The following PCYT1B variants were observed in gnomAD, a reference collection of about 807,000 sequenced individuals.
PCYT1B encodes the protein choline-phosphate cytidylyltransferase B.
A neutral mutation model predicts 26.4 loss-of-function variants in PCYT1B; 10 were observed. That is an observed-to-expected ratio of 0.38 (90% confidence interval 0.23 to 0.64). PCYT1B has a LOEUF of 0.64. PCYT1B is among the 30% of genes least tolerant of loss of function. The probability of loss-of-function intolerance (pLI) is 0.56; values close to 1 mark genes in which losing one functional copy is unlikely to be tolerated. For missense variants in PCYT1B, 161 were observed against 292.7 expected, an observed-to-expected ratio of 0.55 and a Z score of 3.28; for synonymous variants, 131 against 108.4, an observed-to-expected ratio of 1.21 and a Z score of -1.29.
At position 24,590,023 on chromosome X, in the gene PCYT1B, C is replaced by G; in HGVS notation, c.486G>C (p.Lys162Asn). The G allele has an allele frequency of 8.3e-7, 1 of 1,200,492 alleles. No individual in the cohort carries two copies. Among genetic ancestry groups the G allele is most frequent in the Non-Finnish European group, 1.1e-6 (1 of 888,329 alleles). The change falls in exon 4 of 8, where the codon AAG (lysine) becomes AAC (asparagine). Residue 162 changes from lysine (K) to asparagine (N), a missense_variant and splice_region_variant. Transcript: ENST00000379144. Reference sequence around the variant, plus strand: ...GAGAATGTGGGAGAATGAGAAGTACCTTGTGTTTTTCCAGAAACTCTGGCG... The same window carrying G: ...GAGAATGTGGGAGAATGAGAAGTACGTTGTGTTTTTCCAGAAACTCTGGCG... Reference protein sequence around the residue: ...TLTPEFLEKHKIDFVAHDDIP... With the variant: ...TLTPEFLEKHNIDFVAHDDIP...
At chrX:24,581,489 T>C (rs956537902) in intron 5 of PCYT1B, among the ~76,000 whole-genome samples, 11 of 112,246 alleles carry the variant, frequency 9.8e-5, no homozygotes, top group Non-Finnish European at 2.1e-4. Flanking sequence ...GGTTAACTCC[T>C]GGGCATCCAC....
intron 6 of PCYT1B, among the ~76,000 whole-genome samples, chrX:24,579,000 G>C (rs1273408787): frequency 1.8e-5 from 2 of 110,710 alleles, no homozygotes; most frequent in African/African-American, 3.3e-5. Context: ...AAGCGTTAAG[G>C]ACACTGCACA....
intron 1 of PCYT1B, among the ~76,000 whole-genome samples, chrX:24,655,749 A>C (rs1452045176): frequency 9.1e-6 from 1 of 109,957 alleles, no homozygotes; most frequent in Non-Finnish European, 1.9e-5. Context: ...GTGCTATTGC[A>C]CTCCAGCCTG....
At chrX:24,628,165 C>T (rs953819880) in intron 1 of PCYT1B, among the ~76,000 whole-genome samples, 1 of 111,677 alleles carries the variant, frequency 9.0e-6, no homozygotes, top group African/African-American at 3.3e-5. Flanking sequence ...TAGATTCACT[C>T]ATTCAGCTCA....
intron 3 of PCYT1B, among the ~76,000 whole-genome samples, chrX:24,591,872 C>T (rs191230760): frequency 2.0e-4 from 22 of 111,862 alleles, no homozygotes; most frequent in African/African-American, 6.5e-4. Context: ...TTAGCATATC[C>T]ATCACCTCAT....
At chrX:24,626,070 C>T (rs151314405) in intron 1 of PCYT1B, among the ~76,000 whole-genome samples, 4,122 of 109,499 alleles carry the variant, frequency 0.038, 185 homozygotes, top group African/African-American at 0.13. Flanking sequence ...GCTGAGATCA[C>T]GCCACTGCAC....
chrX:24,667,970 T>C (rs946870687), intron 1 of PCYT1B, among the ~76,000 whole-genome samples: 6 of 112,008 alleles, frequency 5.4e-5, no homozygotes, highest in African/African-American at 1.6e-4. Context: ...AATTGAGGAA[T>C]TGGGTTTTAT....
intron 3 of PCYT1B, among the ~76,000 whole-genome samples, chrX:24,599,732 G>A (rs1294364364): frequency 1.8e-5 from 2 of 111,225 alleles, no homozygotes; most frequent in Admixed American, 9.6e-5. Flanking sequence ...GAGAGAAGCA[G>A]AATGAAAATA....
chrX:24,584,758 A>G (rs61761916), intron 5 of PCYT1B, among the ~76,000 whole-genome samples: 1 of 112,039 alleles, frequency 8.9e-6, no homozygotes, highest in Non-Finnish European at 1.9e-5. Flanking sequence ...CCCTGTTCCC[A>G]TGGACACTGA....
chrX:24,623,364 CATATATATATATATATATAT>C (rs57642734), intron 1 of PCYT1B, among the ~76,000 whole-genome samples: 20 of 79,675 alleles, frequency 2.5e-4, no homozygotes, highest in South Asian at 2.1e-3. Flanking sequence ...ATGAGATTTA[CATATATATATATATATATAT>C]ATATATATAT....
intron 5 of PCYT1B, among the ~76,000 whole-genome samples, chrX:24,580,828 G>C (rs1924184557): frequency 9.0e-6 from 1 of 111,493 alleles, no homozygotes; most frequent in South Asian, 3.8e-4. Context: ...CAAGGGCACT[G>C]GGTTCTTGGT....
intron 1 of PCYT1B, among the ~76,000 whole-genome samples, chrX:24,662,380 G>A (rs1927046132): frequency 9.0e-6 from 1 of 111,450 alleles, no homozygotes; most frequent in Non-Finnish European, 1.9e-5. Context: ...GGCTGGGGGT[G>A]CTGTAGACAT....
At chrX:24,634,938 C>T (rs1926227175) in intron 1 of PCYT1B, among the ~76,000 whole-genome samples, 1 of 111,940 alleles carries the variant, frequency 8.9e-6, no homozygotes, top group African/African-American at 3.2e-5. Context: ...AAGAAGATAG[C>T]TGAATTGAAA....
intron 1 of PCYT1B, among the ~76,000 whole-genome samples, chrX:24,627,912 C>A (rs1925930915): frequency 9.0e-6 from 1 of 111,516 alleles, no homozygotes. Context: ...GGAAGGATGG[C>A]ATTGCCATTC....
intron 1 of PCYT1B, among the ~76,000 whole-genome samples, chrX:24,654,183 C>T (rs1158742896): frequency 2.1e-5 from 2 of 96,646 alleles, no homozygotes; most frequent in African/African-American, 7.7e-5. Flanking sequence ...CGGCTCACTG[C>T]AACCTCTGCC....
At chrX:24,646,950 A>G (rs1926646755) in intron 1 of PCYT1B, 39 bp downstream of exon 1, 1 of 1,096,610 alleles carries the variant, frequency 9.1e-7, no homozygotes, top group African/African-American at 1.8e-5. Context: ...CTTTTATGCC[A>G]TAGCCACGCA....
chrX:24,647,285 C>T lies in PCYT1B; in HGVS notation c.-180G>A, dbSNP rs1291100876. 13 of 1,010,084 alleles carry T rather than the reference C, an allele frequency of 1.3e-5. No homozygotes were observed. The highest frequency in any genetic ancestry group is 1.6e-5 in the Non-Finnish European group (13 of 795,305). 83.2% of individuals were successfully genotyped at this position (1,010,084 alleles called of 1,213,427 possible). ...GGTTACCCCCCGCCCCTCTCTCTCTCTCTCTCTCCCAGAAGCCAAGAGGCA... is the reference window on the plus strand; with the variant it reads ...GGTTACCCCCCGCCCCTCTCTCTCTTTCTCTCTCCCAGAAGCCAAGAGGCA... On this transcript the variant is annotated 5_prime_UTR_variant, in exon 1 of 8. Transcript: ENST00000379144.
At chrX:24,579,596 T>C in intron 5 of PCYT1B, 138 bp from the exon 6 acceptor site, 1 of 509,595 alleles carries the variant, frequency 2.0e-6, no homozygotes, top group Non-Finnish European at 3.3e-6. Flanking sequence ...TGGCCCCAAG[T>C]GACTCTTCCA....
chrX:24,617,374 T>TG (rs1555960808), intron 2 of PCYT1B, among the ~76,000 whole-genome samples: 1,231 of 89,672 alleles, frequency 0.014, 14 homozygotes, highest in African/African-American at 0.072. Flanking sequence ...TTTGTTTGTT[T>TG]TTTTTTTTGT....
Sources: allele counts gnomAD v4.1 joint callset (sites outside exome capture counted in the v4.1 genomes callset), GRCh38; gene constraint gnomAD v4.1.1; transcripts MANE v1.5; gene names NCBI Gene and HGNC (gene_info 2026-07-23, HGNC 2026-07-21).